ANKRD12: variants seen among roughly 807,000 people sequenced by gnomAD.
ANKRD12 encodes the protein ankyrin repeat domain 12, also known as ankyrin repeat domain-containing protein 12.
In ANKRD12, 85 loss-of-function variants were observed where a neutral mutation model predicts 183.4. The observed-to-expected ratio is 0.46, with a 90% CI of 0.39 to 0.56. The LOEUF is 0.56. Among genes scored for constraint, ANKRD12 ranks in the 20% least tolerant of loss-of-function variants. ANKRD12 has a pLI of 0.00. For synonymous variants in ANKRD12, 914 were observed against 800.2 expected (o/e 1.14, Z -2.40); for missense variants, 2,405 against 2,357.1 (o/e 1.02, Z -0.42).
chr18:9,261,399 T>C (rs1199535211), intron 9 of ANKRD12, among the ~76,000 whole-genome samples: 1 of 152,202 alleles, frequency 6.6e-6, no homozygotes, highest in Non-Finnish European at 1.5e-5. Context: ...GTGGGTACAT[T>C]TATACAAGTA....
intron 1 of ANKRD12, among the ~76,000 whole-genome samples, chr18:9,149,793 A>ACTTTT (rs1568221223): frequency 6.9e-6 from 1 of 145,056 alleles, no homozygotes. Context: ...TATTTATTAA[A>ACTTTT]TTTTATTTTT....
intron 3 of ANKRD12, among the ~76,000 whole-genome samples, chr18:9,203,091 GTTTGTC>G (rs969920659): frequency 6.6e-6 from 1 of 152,018 alleles, no homozygotes; most frequent in African/African-American, 2.4e-5. Flanking sequence ...AAATTTTTTT[GTTTGTC>G]TTTGTCAAAT....
chr18:9,265,445 A>G (rs183484413), intron 10 of ANKRD12, among the ~76,000 whole-genome samples: 3 of 152,300 alleles, frequency 2.0e-5, no homozygotes, highest in Admixed American at 2.0e-4. Flanking sequence ...AGGAATGATC[A>G]GGCAGCAACA....
At chr18:9,183,881 C>A (rs1037167013) in intron 2 of ANKRD12, among the ~76,000 whole-genome samples, 2 of 151,778 alleles carry the variant, frequency 1.3e-5, no homozygotes, top group Admixed American at 6.6e-5. Context: ...TTTTTTGTTA[C>A]CTCTTTTATG....
At chr18:9,270,315 T>G (rs1427394935) in intron 10 of ANKRD12, among the ~76,000 whole-genome samples, 1 of 152,176 alleles carries the variant, frequency 6.6e-6, no homozygotes, top group African/African-American at 2.4e-5. Context: ...CATGCACACG[T>G]ATGTTTATTG....
chr18:9,255,404 A>C lies in ANKRD12; in HGVS notation c.2137A>C (p.Met713Leu), dbSNP rs1375829454. 1.4e-5 allele frequency: 22 copies of C among 1,587,088 alleles called. No individual in the cohort carries two copies. Among genetic ancestry groups the C allele is most frequent in the Non-Finnish European group, 1.9e-5 (22 of 1,172,292 alleles). Residue 713 changes from methionine to leucine, a missense_variant, in exon 9 of 13, where the codon ATG (methionine) becomes CTG (leucine). Physicochemically the swap from Met to Leu is conservative, Grantham distance 15. Around this residue, in one of 7 missense-constraint regions of ANKRD12, gnomAD observed 1,983 missense variants for 1,725.9 expected, o/e 1.15. Coordinates refer to ENST00000262126, the MANE Select transcript of ANKRD12 (RefSeq NM_015208.5). ...SDETEDLFLN[M>L]EHESLTLEKK... is the part of the protein sequence containing the mutation. Reference sequence around the variant, plus strand: ...TGAAACTGAAGATCTCTTTTTAAATATGGAACATGAATCCTTAACATTAGA... The same window carrying C: ...TGAAACTGAAGATCTCTTTTTAAATCTGGAACATGAATCCTTAACATTAGA...
In ANKRD12 at chr18:9,275,517, C is replaced by T; in HGVS notation, c.5764-7C>T. 1 of 1,592,634 alleles carries T rather than the reference C, an allele frequency of 6.3e-7. No homozygotes were observed. Among genetic ancestry groups the T allele is most frequent in the South Asian group, 1.1e-5 (1 of 88,270 alleles). ...ATTTATTTTTTTTTAATTCTTTATT[C>T]AACTAGGAAAAACTCATTGTATCCA... On this transcript the variant is annotated splice_region_variant and splice_polypyrimidine_tract_variant and intron_variant, in intron 10 of 12. Transcript: ENST00000262126.
intron 12 of ANKRD12, 148 bp from the exon 13 acceptor site, chr18:9,280,793 A>C: frequency 1.3e-6 from 1 of 772,408 alleles, no homozygotes; most frequent in Non-Finnish European, 2.0e-6. Context: ...TGTCTCAAAA[A>C]AAAAAGAAAG....
At chr18:9,180,675 T>C (rs1401925294) in intron 1 of ANKRD12, among the ~76,000 whole-genome samples, 2 of 152,232 alleles carry the variant, frequency 1.3e-5, no homozygotes, top group African/African-American at 4.8e-5. Context: ...TATTAAATGC[T>C]TAATATTAGT....
chr18:9,160,743 T>A (rs1471299348), intron 1 of ANKRD12, among the ~76,000 whole-genome samples: 1 of 152,226 alleles, frequency 6.6e-6, no homozygotes, highest in Non-Finnish European at 1.5e-5. Context: ...AAGAACAGCT[T>A]ATTAAATTTG....
At chr18:9,217,480 G>A (rs2036177083) in intron 7 of ANKRD12, among the ~76,000 whole-genome samples, 6 of 152,082 alleles carry the variant, frequency 3.9e-5, no homozygotes, top group Admixed American at 6.6e-5. Flanking sequence ...GAAGTATCAG[G>A]GGTAAAAGAT....
At chr18:9,221,186 A>C (rs1238675464) in intron 7 of ANKRD12, among the ~76,000 whole-genome samples, 2 of 152,226 alleles carry the variant, frequency 1.3e-5, no homozygotes, top group African/African-American at 4.8e-5. Flanking sequence ...GATATGAAGA[A>C]AAAACAAGTA....
intron 1 of ANKRD12, among the ~76,000 whole-genome samples, chr18:9,170,777 C>T (rs908681738): frequency 3.6e-4 from 55 of 151,652 alleles, no homozygotes; most frequent in African/African-American, 1.2e-3. Context: ...GGAGGAGAGG[C>T]GCTCTGATTT....
chr18:9,214,510 G>GT (rs36075346), intron 6 of ANKRD12, among the ~76,000 whole-genome samples: 16,790 of 152,126 alleles, frequency 0.11, 1,079 homozygotes, highest in African/African-American at 0.16. Flanking sequence ...CGTCTCTCCA[G>GT]TAAGTTGCAT....
At chr18:9,226,605 A>C (rs1171385796) in intron 8 of ANKRD12, among the ~76,000 whole-genome samples, 1 of 152,108 alleles carries the variant, frequency 6.6e-6, no homozygotes, top group Non-Finnish European at 1.5e-5. Context: ...GGGTTTTTAC[A>C]TACCCTTTTC....
Position 9,139,719 on chromosome 18 carries a change from A to G in ANKRD12, c.-52+2754A>G, listed in dbSNP as rs549911998. On this transcript the variant is annotated intron_variant, in intron 1 of 12. Transcript: ENST00000262126. Reference sequence around the variant, plus strand: ...CTATTGACACTGCTTTCTGACTTGGAATTTGTTGCTAAAAACATGTATTTG... The same window carrying G: ...CTATTGACACTGCTTTCTGACTTGGGATTTGTTGCTAAAAACATGTATTTG... Among the ~76,000 whole-genome samples, 57 of 152,308 alleles carry G rather than the reference A, an allele frequency of 3.7e-4. No individual in the cohort carries two copies. In the South Asian group the frequency reaches 3.9e-3, roughly 11 times the overall value.
intron 8 of ANKRD12, among the ~76,000 whole-genome samples, chr18:9,224,231 A>G (rs958028259): frequency 6.6e-6 from 1 of 152,174 alleles, no homozygotes; most frequent in African/African-American, 2.4e-5. Flanking sequence ...AATACTGTAT[A>G]TAGATCTTAC....
chr18:9,158,554 A>G (rs1305901452), intron 1 of ANKRD12, among the ~76,000 whole-genome samples: 4 of 152,226 alleles, frequency 2.6e-5, no homozygotes, highest in Admixed American at 6.5e-5. Flanking sequence ...GAAGAGGATC[A>G]CAGAGGTAAA....
At chr18:9,149,957 C>T (rs879365059) in intron 1 of ANKRD12, among the ~76,000 whole-genome samples, 7 of 151,738 alleles carry the variant, frequency 4.6e-5, no homozygotes, top group South Asian at 4.2e-4. Flanking sequence ...CCACCACGCC[C>T]GGCTAATTTT....
Sources: allele counts gnomAD v4.1 joint callset (sites outside exome capture counted in the v4.1 genomes callset), GRCh38; gene constraint gnomAD v4.1.1; regional missense constraint gnomAD v4.1.1; transcripts MANE v1.5; gene names NCBI Gene and HGNC (gene_info 2026-07-23, HGNC 2026-07-21).